Variants in WSCD2 observed in about 807,000 individuals in gnomAD.
The protein encoded by WSCD2 is WSC domain sialate O sulfotransferase 2.
Under a neutral mutation model 55.7 loss-of-function variants are expected in WSCD2, and 28 were observed. That is an observed-to-expected ratio of 0.50 (90% CI 0.37 to 0.69). The LOEUF (loss-of-function observed/expected upper bound fraction) is 0.69. Ranked by LOEUF, WSCD2 falls within the 30% of genes least tolerant of loss-of-function variation. WSCD2 has a pLI of 0.00. For missense variants in WSCD2, 616 were observed against 762.1 expected (o/e 0.81, Z 2.26); for synonymous variants, 301 against 301.9 (o/e 1.00, Z 0.03).
At chr12:108,155,139 C>A (rs80288244) in intron 1 of WSCD2, among the ~76,000 whole-genome samples, 2,192 of 152,270 alleles carry the variant, frequency 0.014, 68 homozygotes, top group African/African-American at 0.05. Flanking sequence ...ATAATGGGGA[C>A]AATTCCTAAG....
rs558164781 is a variant in WSCD2 at position 108,244,628 on chromosome 12, T to A, written c.1346-3363T>A. ...ACTTTGCAGATGGGTGCACTGAGGC[T>A]GAAGATCGAGTAATGTCTCCAAAGT... On this transcript the variant is annotated intron_variant, in intron 8 of 8. Coordinates refer to ENST00000547525, the MANE Select transcript of WSCD2 (RefSeq NM_014653.4). 1.7e-5 allele frequency: 12 copies of A among 701,484 alleles called. No individual in the cohort carries two copies. In the African/African-American group the frequency reaches 2.1e-4, roughly 12 times the overall value. The allele number at this position is 701,484 out of a possible 1,614,324, so 43.5% of individuals were successfully genotyped here. A position where few individuals can be genotyped will look rare whatever the true frequency, so the allele number is the denominator to read the frequency against.
intron 5 of WSCD2, 31 bp from the exon 6 acceptor site, chr12:108,226,959 T>G: frequency 6.2e-7 from 1 of 1,600,012 alleles, no homozygotes; most frequent in Non-Finnish European, 8.5e-7. Flanking sequence ...TTAGCAACTC[T>G]CTTCCTCTTC....
intron 4 of WSCD2, among the ~76,000 whole-genome samples, chr12:108,211,898 C>T (rs1429730876): frequency 1.3e-5 from 2 of 150,672 alleles, no homozygotes; most frequent in African/African-American, 4.9e-5. Flanking sequence ...CTCCTGACCT[C>T]GTGATCCACC....
chr12:108,180,979 T>C (rs989010014), intron 1 of WSCD2, among the ~76,000 whole-genome samples: 2 of 152,206 alleles, frequency 1.3e-5, no homozygotes, highest in African/African-American at 4.8e-5. Flanking sequence ...GCTGCAAATG[T>C]CACCCAGGAC....
chr12:108,146,256 T>C (rs549436255), intron 1 of WSCD2, among the ~76,000 whole-genome samples: 3 of 152,334 alleles, frequency 2.0e-5, no homozygotes, highest in South Asian at 2.1e-4. Context: ...AGGACCATCA[T>C]TGGTTGGGCT....
At chr12:108,247,894 T>C in intron 8 of WSCD2, 97 bp from the exon 9 acceptor site, 1 of 1,290,004 alleles carries the variant, frequency 7.8e-7, no homozygotes, top group Non-Finnish European at 1.1e-6. Flanking sequence ...TGTTACCGTG[T>C]TGTGCTGTGA....
intron 1 of WSCD2, among the ~76,000 whole-genome samples, chr12:108,172,011 A>T (rs1031178128): frequency 1.3e-5 from 2 of 152,248 alleles, no homozygotes; most frequent in South Asian, 4.1e-4. Flanking sequence ...AGCCAAAAGC[A>T]CAGAGCTGCA....
chr12:108,210,189 A>C lies in WSCD2; in HGVS notation c.566A>C (p.Asn189Thr), dbSNP rs1424592636. ...CYCGHKIQAT[N>T]VSEAECDMEC... ...TGCGGCCACAAGATCCAGGCGACGA[A>C]CGTGAGCGAGGCAGAGTGCGACATG... The change falls in exon 4 of 9, where the codon AAC becomes ACC. Residue 189 changes from asparagine (N) to threonine (T), a missense_variant. Physicochemically the swap from Asn to Thr is moderately conservative, Grantham distance 65. Transcript: ENST00000547525. This position sits in a 1 kb window ranked among gnomAD's most constrained non-coding sequence, Gnocchi z 4.3. The C allele has an allele frequency of 5.6e-6, 9 of 1,613,942 alleles. No homozygotes were observed. The highest frequency in any genetic ancestry group is 7.6e-6 in the Non-Finnish European group (9 of 1,179,980).
chr12:108,181,456 G>A (rs1041865436), intron 1 of WSCD2, among the ~76,000 whole-genome samples: 1 of 152,150 alleles, frequency 6.6e-6, no homozygotes, highest in Non-Finnish European at 1.5e-5. Context: ...CTTACTCTGT[G>A]CCTATCAGCC....
intron 2 of WSCD2, among the ~76,000 whole-genome samples, chr12:108,199,342 G>C (rs540028344): frequency 6.6e-6 from 1 of 152,204 alleles, no homozygotes. Context: ...GGGAGTGGGA[G>C]GGGAGGAGCT....
intron 6 of WSCD2, among the ~76,000 whole-genome samples, chr12:108,229,953 A>T (rs1888562417): frequency 6.6e-6 from 1 of 151,882 alleles, no homozygotes; most frequent in South Asian, 2.1e-4. Flanking sequence ...GAATTTTGTG[A>T]CATACATTAA....
At chr12:108,206,012 G>A (rs1885315383) in intron 2 of WSCD2, among the ~76,000 whole-genome samples, 1 of 152,178 alleles carries the variant, frequency 6.6e-6, no homozygotes, top group African/African-American at 2.4e-5. Flanking sequence ...AGTGGCCTTG[G>A]CTTGGGTTCC....
chr12:108,139,924 G>T (rs967445397), intron 1 of WSCD2, among the ~76,000 whole-genome samples: 1 of 152,144 alleles, frequency 6.6e-6, no homozygotes, highest in African/African-American at 2.4e-5. Context: ...GGGTTAGAGA[G>T]ACCATCAGCT....
rs539689215 is a variant in WSCD2 at position 108,215,209 on chromosome 12, C to A, written c.682+4904C>A. 1.6e-4 allele frequency among the ~76,000 whole-genome samples: 25 copies of A among 152,306 alleles called. No individual in the cohort carries two copies. In the South Asian group the frequency reaches 4.8e-3, roughly 29 times the overall value. ...TGGGAGAGAATTGGTTTGCTCTTCT[C>A]CCCTAAGCAAAATCTAGGCCATTGG... On this transcript the variant is annotated intron_variant, in intron 4 of 8. Transcript: ENST00000547525.
chr12:108,210,242 T>C lies in WSCD2; in HGVS notation c.619T>C (p.Cys207Arg). Residue 207 changes from cysteine (C) to arginine (R), a missense_variant, in exon 4 of 9, where the codon TGC becomes CGC. Physicochemically the swap from Cys to Arg is radical, Grantham distance 180 (BLOSUM62 -3). Around this residue, in one of 3 missense-constraint regions of WSCD2, gnomAD observed 374 missense variants for 467.4 expected, o/e 0.80. Transcript: ENST00000547525. This position sits in a 1 kb window ranked among gnomAD's most constrained non-coding sequence, Gnocchi z 4.3. ...MECKGERGSVCGGANRLSVYR... is the reference protein window; with the variant it reads ...MECKGERGSVRGGANRLSVYR... Reference sequence around the variant, plus strand: ...GTGCAAGGGCGAGCGAGGCAGCGTGTGCGGCGGCGCCAACCGCCTCTCTGT... The same window carrying C: ...GTGCAAGGGCGAGCGAGGCAGCGTGCGCGGCGGCGCCAACCGCCTCTCTGT... 3 of 1,603,440 alleles carry C rather than the reference T, an allele frequency of 1.9e-6. No homozygotes were observed. Among genetic ancestry groups the C allele is most frequent in the Non-Finnish European group, 2.6e-6 (3 of 1,173,028 alleles).
chr12:108,213,805 A>G (rs193233662), intron 4 of WSCD2, among the ~76,000 whole-genome samples: 231 of 152,338 alleles, frequency 1.5e-3, no homozygotes, highest in African/African-American at 5.3e-3. Flanking sequence ...CCCAGTTAGT[A>G]TACCCACTTG....
rs771571679 is a variant in WSCD2, at chr12:108,226,997, C to T, written c.812C>T (p.Pro271Leu). 50 of 1,613,338 alleles carry T rather than the reference C, an allele frequency of 3.1e-5. No homozygotes were observed. Among genetic ancestry groups the T allele is most frequent in the Middle Eastern group, 1.7e-4 (1 of 6,050 alleles). The change falls in exon 6 of 9, where the codon CCG becomes CTG. Residue 271 changes from proline to leucine, a missense_variant. By Grantham distance (98) the Pro-to-Leu change is moderately conservative (BLOSUM62 -3). This residue lies in a region of WSCD2 where 374 missense variants were observed against 467.4 expected (regional missense o/e 0.80). Coordinates refer to ENST00000547525, the MANE Select transcript of WSCD2 (RefSeq NM_014653.4). ...CTCCCACTCCATCCCCAGGAGTACC[C>T]GCTGGCAGCTCTTGCAGGCACCGCC... ...CVDFCTEKEY[P>L]LAALAGTACH...
chr12:108,173,810 C>CTG (rs113409001), intron 1 of WSCD2, among the ~76,000 whole-genome samples: 5,833 of 131,126 alleles, frequency 0.044, 170 homozygotes, highest in African/African-American at 0.055. Context: ...TCCTGGCTCT[C>CTG]TGTGTGTGTG....
intron 6 of WSCD2, 58 bp downstream of exon 6, chr12:108,227,222 G>C: frequency 6.4e-7 from 1 of 1,564,780 alleles, no homozygotes; most frequent in Admixed American, 1.8e-5. Flanking sequence ...TTCCCTCCCA[G>C]ACGTGTTCCT....
Sources: allele counts gnomAD v4.1 joint callset (sites outside exome capture counted in the v4.1 genomes callset), GRCh38; gene constraint gnomAD v4.1.1; regional missense constraint gnomAD v4.1.1; non-coding constraint Gnocchi (gnomAD v3.1); transcripts MANE v1.5; gene names NCBI Gene and HGNC (gene_info 2026-07-23, HGNC 2026-07-21).